Variants in M1AP observed in about 807,000 individuals in gnomAD.
M1AP encodes meiosis 1 associated protein, also known as meiosis 1 arrest protein.
M1AP carries 39 observed loss-of-function variants against 51.2 expected under a neutral mutation model. The observed-to-expected ratio is 0.76, with a 90% confidence interval of 0.59 to 1.00. The LOEUF (loss-of-function observed/expected upper bound fraction) is 1.00. Ranked by LOEUF, M1AP falls within the 50% of genes least tolerant of loss-of-function variation. The pLI, the probability that M1AP is intolerant of heterozygous loss-of-function variation, is 0.00. For missense variants in M1AP, 545 were observed against 641.2 expected, an observed-to-expected ratio of 0.85 and a Z score of 1.62; for synonymous variants, 251 against 249.2, an observed-to-expected ratio of 1.01 and a Z score of -0.07.
chr2:74,646,272 C>T (rs957273473), intron 1 of M1AP, among the ~76,000 whole-genome samples: 5 of 151,910 alleles, frequency 3.3e-5, no homozygotes, highest in African/African-American at 4.8e-5. Context: ...GGAAACTAGC[C>T]GATAAAAGGA....
intron 1 of M1AP, among the ~76,000 whole-genome samples, chr2:74,643,835 A>G (rs934253145): frequency 6.6e-6 from 1 of 151,976 alleles, no homozygotes; most frequent in Non-Finnish European, 1.5e-5. Context: ...GGCTCAAGCA[A>G]TCCTCCCACC....
chr2:74,600,723 A>C (rs1266178269), intron 4 of M1AP, among the ~76,000 whole-genome samples: 2 of 152,260 alleles, frequency 1.3e-5, no homozygotes, highest in African/African-American at 4.8e-5. Flanking sequence ...TATGAGAACT[A>C]TGGAAAAAGT....
intron 4 of M1AP, among the ~76,000 whole-genome samples, chr2:74,605,166 G>A (rs1336233582): frequency 6.6e-6 from 1 of 152,106 alleles, no homozygotes; most frequent in African/African-American, 2.4e-5. Context: ...TCTTTTTGGA[G>A]AGTTTTTTGG....
intron 7 of M1AP, 28 bp downstream of exon 7, chr2:74,575,410 T>C (rs372111313): frequency 1.2e-6 from 2 of 1,613,044 alleles, no homozygotes; most frequent in Non-Finnish European, 1.7e-6. Flanking sequence ...ACGATTCTTC[T>C]TTTTCACCTG....
intron 7 of M1AP, among the ~76,000 whole-genome samples, chr2:74,574,843 C>G (rs1186987198): frequency 6.6e-6 from 1 of 152,242 alleles, no homozygotes; most frequent in East Asian, 1.9e-4. Context: ...ACCTGGAATG[C>G]TCTGCCTGCC....
rs564561828 is a variant in M1AP, at chr2:74,648,294, C to G, written c.-82G>C. 9.6e-5 allele frequency: 95 copies of G among 985,462 alleles called. 1 individual carries two copies. In the South Asian group the frequency reaches 3.7e-3, roughly 38 times the overall value. 61.0% of individuals were successfully genotyped at this position (985,462 alleles called of 1,614,324 possible). On this transcript the variant is annotated 5_prime_UTR_variant, in exon 1 of 11. Transcript: ENST00000421985. ...CTTCGGAAGACGGAGGCCCCCTCAC[C>G]TGGTCCTCCCGGCTCTCAGCGTGCG...
chr2:74,604,676 C>T (rs532239715), intron 4 of M1AP, among the ~76,000 whole-genome samples: 1 of 152,268 alleles, frequency 6.6e-6, no homozygotes, highest in East Asian at 1.9e-4. Flanking sequence ...GAGATCCCTG[C>T]TCTAAGACAC....
At chr2:74,599,352 G>A (rs1034158530) in intron 4 of M1AP, among the ~76,000 whole-genome samples, 1 of 151,706 alleles carries the variant, frequency 6.6e-6, no homozygotes, top group Non-Finnish European at 1.5e-5. Context: ...CCCTTGTCAT[G>A]AAAATTTTCT....
At chr2:74,629,643 T>G (rs1418401293) in intron 2 of M1AP, among the ~76,000 whole-genome samples, 1 of 151,674 alleles carries the variant, frequency 6.6e-6, no homozygotes, top group East Asian at 1.9e-4. Context: ...TCCCAGAAAC[T>G]CGGGAGACTG....
intron 4 of M1AP, among the ~76,000 whole-genome samples, chr2:74,593,119 G>C (rs1010466820): frequency 1.3e-5 from 2 of 152,166 alleles, no homozygotes; most frequent in African/African-American, 4.8e-5. Context: ...AACGTGTTAG[G>C]GGATGGGGAA....
At chr2:74,575,045 C>T (rs1316515058) in intron 7 of M1AP, among the ~76,000 whole-genome samples, 1 of 152,166 alleles carries the variant, frequency 6.6e-6, no homozygotes, top group African/African-American at 2.4e-5. Context: ...TAGGTCACTA[C>T]AGAATATATA....
intron 3 of M1AP, 119 bp from the exon 4 acceptor site, chr2:74,607,342 T>C: frequency 8.1e-6 from 8 of 993,656 alleles, no homozygotes; most frequent in Middle Eastern, 2.9e-4. Context: ...CTATTATGTT[T>C]AGTGCAAAAA....
At chr2:74,574,563 T>G (rs1428603946) in intron 7 of M1AP, among the ~76,000 whole-genome samples, 1 of 152,272 alleles carries the variant, frequency 6.6e-6, no homozygotes, top group Non-Finnish European at 1.5e-5. Flanking sequence ...TTTCCATTTT[T>G]GCTTCTGCGA....
At chr2:74,592,146 G>T (rs557666528) in intron 4 of M1AP, among the ~76,000 whole-genome samples, 18 of 152,042 alleles carry the variant, frequency 1.2e-4, no homozygotes, top group Non-Finnish European at 1.9e-4. Context: ...CTGTATAATA[G>T]CTTTGCAACC....
chr2:74,567,226 G>A (rs1678450333), intron 7 of M1AP, among the ~76,000 whole-genome samples: 1 of 152,180 alleles, frequency 6.6e-6, no homozygotes, highest in Non-Finnish European at 1.5e-5. Flanking sequence ...AAATAATTAA[G>A]GGGACTGGGT....
At chr2:74,590,776 A>C in intron 4 of M1AP, among the ~76,000 whole-genome samples, 1 of 152,122 alleles carries the variant, frequency 6.6e-6, no homozygotes, top group Non-Finnish European at 1.5e-5. Flanking sequence ...TCCAGAGAGA[A>C]GTTATTGCAG....
At chr2:74,632,735 C>T (rs1439152173) in intron 2 of M1AP, among the ~76,000 whole-genome samples, 1 of 152,150 alleles carries the variant, frequency 6.6e-6, no homozygotes, top group South Asian at 2.1e-4. Flanking sequence ...TTATTTGAGG[C>T]TTGATGTCGT....
Position 74,586,374 on chromosome 2 carries a change from C to T in M1AP, c.596-4527G>A, listed in dbSNP as rs1045695670. 2.0e-5 allele frequency among the ~76,000 whole-genome samples: 3 copies of T among 152,228 alleles called. 1 individual carries two copies. Among genetic ancestry groups the T allele is most frequent in the African/African-American group, 2.4e-5 (1 of 41,460 alleles). On this transcript the variant is annotated intron_variant, in intron 4 of 10. Coordinates refer to ENST00000421985, the MANE Select transcript of M1AP (RefSeq NM_001321739.2). ...TGAGTTGAACAGTGACTCCCTCCTCCTCAGCTCTCATTACTTTTTCCTGTA... is the reference window on the plus strand; with the variant it reads ...TGAGTTGAACAGTGACTCCCTCCTCTTCAGCTCTCATTACTTTTTCCTGTA...
intron 7 of M1AP, among the ~76,000 whole-genome samples, chr2:74,564,274 TG>T (rs1334020146): frequency 6.6e-6 from 1 of 152,102 alleles, no homozygotes; most frequent in African/African-American, 2.4e-5. Flanking sequence ...TTTAAAGCAG[TG>T]TCATCATTCT....
Sources: allele counts gnomAD v4.1 joint callset (sites outside exome capture counted in the v4.1 genomes callset), GRCh38; gene constraint gnomAD v4.1.1; transcripts MANE v1.5; gene names NCBI Gene and HGNC (gene_info 2026-07-23, HGNC 2026-07-21).